DYRK3: variants seen among roughly 807,000 people sequenced by gnomAD.
DYRK3 encodes the protein dual specificity tyrosine phosphorylation regulated kinase 3.
DYRK3 carries 30 observed loss-of-function variants against 40.8 expected under a neutral mutation model. The observed-to-expected ratio is 0.74, with a 90% CI of 0.55 to 1.00. DYRK3 has a LOEUF of 1.00. Ranked by LOEUF, DYRK3 falls within the 50% of genes least tolerant of loss-of-function variation. DYRK3 has a pLI of 0.00. For missense variants in DYRK3, 699 were observed against 731.5 expected, an observed-to-expected ratio of 0.96 and a Z score of 0.51; for synonymous variants, 272 against 260.7, an observed-to-expected ratio of 1.04 and a Z score of -0.42.
At chr1:206,640,621 G>A (rs1418193666) in intron 2 of DYRK3, among the ~76,000 whole-genome samples, 4 of 149,034 alleles carry the variant, frequency 2.7e-5, no homozygotes, top group Admixed American at 1.4e-4. Context: ...CACTATCTCG[G>A]CTCATTGCAA....
intron 1 of DYRK3, 21 bp from the exon 2 acceptor site, chr1:206,637,629 G>A (rs782272571): frequency 6.5e-7 from 1 of 1,548,710 alleles, no homozygotes; most frequent in South Asian, 1.1e-5. Context: ...GACAGATTTT[G>A]TCTGTAATCC....
At position 206,649,207 on chromosome 1, in the gene DYRK3, T is replaced by C. The variant is rs997969869; in HGVS notation, c.*242T>C. 7 of 462,796 alleles carry C rather than the reference T, an allele frequency of 1.5e-5. No individual in the cohort carries two copies. The highest frequency in any genetic ancestry group is 1.2e-4 in the African/African-American group (6 of 50,544). The allele number at this position is 462,796 out of a possible 1,614,324, so 28.7% of individuals were successfully genotyped here. ...TTTATAGGTCAATGCATCTTTGTTA[T>C]TATCGTCAGATGTATTTCAACTGAT... On this transcript the variant is annotated 3_prime_UTR_variant, in exon 3 of 3. Transcript: ENST00000367109.
Position 206,637,720 on chromosome 1 carries a change from C to A in DYRK3, c.148C>A (p.Leu50Ile). ...CAAATGTCCCCCCTGTTCAAATGTA[C>A]TCTGCAATCCTTCTGAACCACCTCC... ...ETKCPPCSNVLCNPSEPPPPR... is the reference protein window; with the variant it reads ...ETKCPPCSNVICNPSEPPPPR... The change falls in exon 2 of 3, where the codon CTC becomes ATC. Residue 50 changes from leucine (L) to isoleucine (I), a missense_variant. Physicochemically the swap from Leu to Ile is conservative, Grantham distance 5. Coordinates refer to ENST00000367109, the MANE Select transcript of DYRK3 (RefSeq NM_003582.4). 1 of 1,614,018 alleles carries A rather than the reference C, an allele frequency of 6.2e-7. No homozygotes were observed. The highest frequency in any genetic ancestry group is 1.1e-5 in the South Asian group (1 of 91,070).
chr1:206,647,587 A>G lies in DYRK3; in HGVS notation c.389A>G (p.Asn130Ser). Reference protein sequence around the residue: ...SSDCLNTVKSNSSSKAPKVVP... With the variant: ...SSDCLNTVKSSSSSKAPKVVP... ...GATTGCTTGAATACAGTAAAATCCA[A>G]CAGTTCATCCAAGGCACCCAAAGTG... is the stretch of plus-strand genomic sequence containing the variant. Residue 130 changes from asparagine (N) to serine (S), a missense_variant, in exon 3 of 3, where the codon AAC becomes AGC. Transcript: ENST00000367109. The G allele has an allele frequency of 1.9e-6, 3 of 1,614,180 alleles. No individual in the cohort carries two copies. The highest frequency in any genetic ancestry group is 1.7e-6 in the Non-Finnish European group (2 of 1,180,032).
chr1:206,646,691 A>C (rs1056661904), intron 2 of DYRK3, among the ~76,000 whole-genome samples: 4 of 152,246 alleles, frequency 2.6e-5, no homozygotes, highest in Non-Finnish European at 2.9e-5. Context: ...GTCAACATTC[A>C]GCCCTGCTAG....
chr1:206,635,782 T>C lies in DYRK3; in HGVS notation c.77+2T>C. On this transcript the variant is annotated splice_donor_variant, in intron 1 of 2. Coordinates refer to ENST00000367109, the MANE Select transcript of DYRK3 (RefSeq NM_003582.4). LOFTEE classifies it high-confidence loss of function. ...CGGGCTCCCGCCCCAGCAGCGGAGG[T>C]AACGGCGCCACGGGGTAACGGGCTG... 1 of 1,243,194 alleles carries C rather than the reference T, an allele frequency of 8.0e-7. No homozygotes were observed. Among genetic ancestry groups the C allele is most frequent in the Non-Finnish European group, 1.0e-6 (1 of 989,416 alleles). The allele number at this position is 1,243,194 out of a possible 1,614,324, so 77.0% of individuals were successfully genotyped here. A position where few individuals can be genotyped will look rare whatever the true frequency, so the allele number is the denominator to read the frequency against.
At chr1:206,646,608 G>T (rs549931482) in intron 2 of DYRK3, among the ~76,000 whole-genome samples, 151 of 152,318 alleles carry the variant, frequency 9.9e-4, no homozygotes, top group South Asian at 2.5e-3. Flanking sequence ...AATGAACTGA[G>T]TTAAAAGGCT....
At chr1:206,644,786 C>T (rs936812594) in intron 2 of DYRK3, among the ~76,000 whole-genome samples, 7 of 152,268 alleles carry the variant, frequency 4.6e-5, no homozygotes, top group East Asian at 1.9e-4. Context: ...GTGATCCACC[C>T]GCCTCGGCCT....
intron 1 of DYRK3, 38 bp downstream of exon 1, chr1:206,635,818 A>G (rs370898819): frequency 8.0e-7 from 1 of 1,243,678 alleles, no homozygotes; most frequent in Non-Finnish European, 1.0e-6. Flanking sequence ...GAGGCGCCAC[A>G]GGGAGCGGCT....
At chr1:206,637,010 G>A (rs1553418483) in intron 1 of DYRK3, 1 of 1,407,306 alleles carries the variant, frequency 7.1e-7, no homozygotes, top group Non-Finnish European at 1.0e-6. Flanking sequence ...TCCTTTTAGC[G>A]TTTGCTGTAG....
At chr1:206,635,807 G>A in intron 1 of DYRK3, 27 bp downstream of exon 1, 1 of 1,244,754 alleles carries the variant, frequency 8.0e-7, no homozygotes, top group Non-Finnish European at 1.0e-6. Flanking sequence ...GTAACGGGCT[G>A]GAGGCGCCAC....
At chr1:206,636,835 G>A in intron 1 of DYRK3, 1 of 1,398,652 alleles carries the variant, frequency 7.1e-7, no homozygotes, top group South Asian at 1.3e-5. Context: ...CCATCTTGTG[G>A]ATTAAATAAA....
In DYRK3 at chr1:206,653,913, G is replaced by A. The variant is rs564123932; in HGVS notation, c.*4948G>A. On this transcript the variant is annotated 3_prime_UTR_variant, in exon 3 of 3. Coordinates refer to ENST00000367109, the MANE Select transcript of DYRK3 (RefSeq NM_003582.4). ...TACAATTTAGTTTTTGTGACAATCT[G>A]TTAAGAAGGGGGCTTATTGCATAAT... 1.3e-5 allele frequency among the ~76,000 whole-genome samples: 2 copies of A among 152,290 alleles called. No individual in the cohort carries two copies. The highest frequency in any genetic ancestry group is 4.8e-5 in the African/African-American group (2 of 41,552).
intron 2 of DYRK3, among the ~76,000 whole-genome samples, chr1:206,639,376 G>A (rs1360541700): frequency 1.3e-5 from 2 of 151,704 alleles, no homozygotes; most frequent in Non-Finnish European, 2.9e-5. Context: ...AGATTGCTTG[G>A]TTACTTGCTG....
rs965943018 is a variant in DYRK3 at position 206,652,016 on chromosome 1, A to G, written c.*3051A>G. Reference sequence around the variant, plus strand: ...TTAAATGTAGCCAGCAGCAGTGTCAAGACAGCTGACACTGTCTTCCAAGAG... The same window carrying G: ...TTAAATGTAGCCAGCAGCAGTGTCAGGACAGCTGACACTGTCTTCCAAGAG... On this transcript the variant is annotated 3_prime_UTR_variant, in exon 3 of 3. Transcript: ENST00000367109. Among the ~76,000 whole-genome samples, 3 of 152,230 alleles carry G rather than the reference A, an allele frequency of 2.0e-5. No individual in the cohort carries two copies. Among genetic ancestry groups the G allele is most frequent in the African/African-American group, 7.2e-5 (3 of 41,466 alleles).
chr1:206,648,855 T>C lies in DYRK3; in HGVS notation c.1657T>C (p.Ser553Pro). ...NPASAFQGLGSKLPPVVGIAN... is the reference protein window; with the variant it reads ...NPASAFQGLGPKLPPVVGIAN... The stretch of plus-strand genomic sequence containing the variant: ...TGCAAGTGCTTTCCAGGGATTGGGT[T>C]CTAAGCTGCCTCCAGTTGTTGGAAT... The change falls in exon 3 of 3, where the codon TCT becomes CCT. Residue 553 changes from serine (S) to proline (P), a missense_variant. Ser to Pro is a moderately conservative substitution (Grantham distance 74). Coordinates refer to ENST00000367109, the MANE Select transcript of DYRK3 (RefSeq NM_003582.4). The C allele has an allele frequency of 6.2e-7, 1 of 1,614,216 alleles. No homozygotes were observed. Among genetic ancestry groups the C allele is most frequent in the South Asian group, 1.1e-5 (1 of 91,082 alleles).
At chr1:206,639,509 C>T (rs1671220069) in intron 2 of DYRK3, among the ~76,000 whole-genome samples, 1 of 148,016 alleles carries the variant, frequency 6.8e-6, no homozygotes, top group Admixed American at 6.8e-5. Context: ...ACTCTGTCAC[C>T]TAGGCTGGAG....
Position 206,654,364 on chromosome 1 carries a change from A to G in DYRK3, c.*5399A>G, listed in dbSNP as rs967061070. On this transcript the variant is annotated 3_prime_UTR_variant, in exon 3 of 3. Coordinates refer to ENST00000367109, the MANE Select transcript of DYRK3 (RefSeq NM_003582.4). ...GATGACCAATCTGTAGAACGCTATA[A>G]CTTACTATGCGTAGAGCAGCGGCAG... is the stretch of plus-strand genomic sequence containing the variant. Among the ~76,000 whole-genome samples the G allele has an allele frequency of 1.3e-5, 2 of 152,262 alleles. No homozygotes were observed. The highest frequency in any genetic ancestry group is 1.3e-4 in the Admixed American group (2 of 15,280).
At chr1:206,646,740 A>C (rs1405693674) in intron 2 of DYRK3, among the ~76,000 whole-genome samples, 3 of 152,188 alleles carry the variant, frequency 2.0e-5, no homozygotes, top group African/African-American at 7.2e-5. Context: ...GAGTTATGTT[A>C]ATGGCAAGGG....
Sources: gnomAD v4.1 joint callset for allele counts (sites outside exome capture counted in the v4.1 genomes callset) on GRCh38, gnomAD v4.1.1 for gene constraint, MANE v1.5 for transcripts, NCBI Gene and HGNC (gene_info 2026-07-23, HGNC 2026-07-21) for gene names.